Variants in GLG1 observed in about 807,000 individuals in gnomAD.
The protein encoded by GLG1 is Golgi apparatus protein 1.
A neutral mutation model predicts 160.5 loss-of-function variants in GLG1; 38 were observed. The observed-to-expected ratio is 0.24, with a 90% CI of 0.18 to 0.31. GLG1 has a LOEUF of 0.31. Among genes scored for constraint, GLG1 ranks in the 10% least tolerant of loss-of-function variants. The pLI, the probability that GLG1 is intolerant of heterozygous loss-of-function variation, is 1.00. For missense variants in GLG1, 1,373 were observed against 1,505.2 expected, an observed-to-expected ratio of 0.91 and a Z score of 1.45; for synonymous variants, 644 against 543.4, an observed-to-expected ratio of 1.19 and a Z score of -2.57.
chr16:74,484,093 T>C (rs536962799), intron 9 of GLG1, among the ~76,000 whole-genome samples: 7 of 152,252 alleles, frequency 4.6e-5, no homozygotes, highest in Admixed American at 2.0e-4. Flanking sequence ...GCCCCCTCTT[T>C]GCTTGATGTG....
At chr16:74,578,148 C>T (rs1957857210) in intron 1 of GLG1, among the ~76,000 whole-genome samples, 1 of 152,156 alleles carries the variant, frequency 6.6e-6, no homozygotes, top group Admixed American at 6.5e-5. Context: ...AGTTGCAATA[C>T]ATTTGATCTC....
At chr16:74,511,546 G>A (rs1032975800) in intron 2 of GLG1, among the ~76,000 whole-genome samples, 15 of 142,980 alleles carry the variant, frequency 1.0e-4, no homozygotes, top group African/African-American at 3.7e-4. Context: ...CAGCTACTCT[G>A]GAGGCTGAGG....
chr16:74,481,182 T>G (rs576491386), intron 10 of GLG1, among the ~76,000 whole-genome samples: 1 of 152,194 alleles, frequency 6.6e-6, no homozygotes, highest in African/African-American at 2.4e-5. Flanking sequence ...AGATAAATAG[T>G]CTCCTATTCA....
chr16:74,462,552 G>A lies in GLG1; in HGVS notation c.2870C>T (p.Ala957Val). The part of the protein sequence containing the change: ...PKFCHGILTK[A>V]KDDSELEGQV... ...TCCTTCTAATTCTGAATCATCCTTG[G>A]CCTTAGTCAGGATACCGTGACAGAA... The change falls in exon 21 of 26, where the codon GCC becomes GTC. Residue 957 changes from alanine (A) to valine (V), a missense_variant. Coordinates refer to ENST00000422840, the MANE Select transcript of GLG1 (RefSeq NM_001145667.2). 1 of 1,613,362 alleles carries A rather than the reference G, an allele frequency of 6.2e-7. No homozygotes were observed. Among genetic ancestry groups the A allele is most frequent in the Non-Finnish European group, 8.5e-7 (1 of 1,179,312 alleles).
chr16:74,544,457 C>T (rs2017987640), intron 1 of GLG1, among the ~76,000 whole-genome samples: 1 of 152,068 alleles, frequency 6.6e-6, no homozygotes, highest in African/African-American at 2.4e-5. Context: ...CACATGCAGG[C>T]GTGGTGGCAT....
chr16:74,457,667 A>T (rs1034031834), intron 24 of GLG1, among the ~76,000 whole-genome samples: 1 of 152,184 alleles, frequency 6.6e-6, no homozygotes, highest in Admixed American at 6.5e-5. Flanking sequence ...TGACAAGGCC[A>T]GTTCAAACTC....
chr16:74,472,066 A>G (rs4888244), intron 14 of GLG1, among the ~76,000 whole-genome samples: 150,788 of 152,254 alleles, frequency 0.99, 74,701 homozygotes, highest in East Asian at 1. Flanking sequence ...CACCACGCCC[A>G]GCTAATTTTT....
At chr16:74,524,154 A>G (rs892567001) in intron 2 of GLG1, among the ~76,000 whole-genome samples, 3 of 152,188 alleles carry the variant, frequency 2.0e-5, no homozygotes, top group Non-Finnish European at 2.9e-5. Flanking sequence ...GACTGCAGTG[A>G]GCCGAGATTG....
chr16:74,597,176 T>C (rs1958325954), intron 1 of GLG1, among the ~76,000 whole-genome samples: 1 of 151,210 alleles, frequency 6.6e-6, no homozygotes, highest in South Asian at 2.1e-4. Flanking sequence ...CTCACGCCTG[T>C]AATCCCAGCA....
intron 1 of GLG1, among the ~76,000 whole-genome samples, chr16:74,600,178 T>G (rs557713904): frequency 1.3e-5 from 2 of 152,344 alleles, no homozygotes; most frequent in Admixed American, 6.5e-5. Context: ...ATATTTAGTT[T>G]CATATATATT....
chr16:74,532,040 A>C (rs1461244665), intron 2 of GLG1, 81 bp downstream of exon 2: 36 of 569,622 alleles, frequency 6.3e-5, no homozygotes, highest in Admixed American at 1.5e-4. Flanking sequence ...AGCACTTCCC[A>C]GAACAACAGG....
At chr16:74,497,727 G>T (rs1015699335) in intron 4 of GLG1, among the ~76,000 whole-genome samples, 2 of 152,160 alleles carry the variant, frequency 1.3e-5, no homozygotes, top group Non-Finnish European at 2.9e-5. Flanking sequence ...GTGAGCCACT[G>T]CGCCCGGCCA....
intron 1 of GLG1, among the ~76,000 whole-genome samples, chr16:74,581,282 G>T (rs561248851): frequency 1.3e-5 from 2 of 152,060 alleles, no homozygotes; most frequent in African/African-American, 4.8e-5. Flanking sequence ...AAAATGCAGT[G>T]TATACGTATA....
intron 1 of GLG1, among the ~76,000 whole-genome samples, chr16:74,548,146 G>C (rs117915709): frequency 0.018 from 2,665 of 152,280 alleles, 31 homozygotes; most frequent in Non-Finnish European, 0.027. Flanking sequence ...GTAAGAACTT[G>C]ACTCACAACG....
chr16:74,574,685 C>A (rs200216892), intron 1 of GLG1, among the ~76,000 whole-genome samples: 1 of 151,080 alleles, frequency 6.6e-6, no homozygotes, highest in East Asian at 2.0e-4. Flanking sequence ...GAGTTTGAGA[C>A]CAACCTGGCC....
intron 4 of GLG1, among the ~76,000 whole-genome samples, chr16:74,502,721 G>T (rs1246870561): frequency 4.9e-4 from 24 of 48,812 alleles, no homozygotes; most frequent in South Asian, 1.9e-3. Flanking sequence ...TTTTGTTTTT[G>T]GTTTTTTTTT....
At chr16:74,459,166 CA>C (rs1427682716) in intron 23 of GLG1, among the ~76,000 whole-genome samples, 1 of 152,138 alleles carries the variant, frequency 6.6e-6, no homozygotes, top group East Asian at 1.9e-4. Flanking sequence ...ATAATGACAT[CA>C]GTGAAATTCT....
chr16:74,519,527 CTTGATA>C (rs1359318397), intron 2 of GLG1, among the ~76,000 whole-genome samples: 3 of 148,612 alleles, frequency 2.0e-5, no homozygotes, highest in African/African-American at 2.5e-5. Context: ...GCAATACATA[CTTGATA>C]TTGATAATAA....
At chr16:74,515,855 T>A (rs956293561) in intron 2 of GLG1, among the ~76,000 whole-genome samples, 1 of 151,294 alleles carries the variant, frequency 6.6e-6, no homozygotes, top group African/African-American at 2.5e-5. Context: ...TGGAGGAAGA[T>A]CTACCAAGCA....
Sources: gnomAD v4.1 joint callset for allele counts (sites outside exome capture counted in the v4.1 genomes callset) on GRCh38, gnomAD v4.1.1 for gene constraint, MANE v1.5 for transcripts, NCBI Gene and HGNC (gene_info 2026-07-23, HGNC 2026-07-21) for gene names.